The following TRPM3 variants were observed in gnomAD, a reference collection of about 807,000 sequenced individuals.
TRPM3 encodes the protein transient receptor potential cation channel subfamily M member 3.
A neutral mutation model predicts 181.2 loss-of-function variants in TRPM3; 77 were observed. The ratio of observed to expected loss-of-function variants is 0.42; its 90% confidence interval spans 0.35 to 0.51. The LOEUF (loss-of-function observed/expected upper bound fraction) is 0.51. Ranked by LOEUF, TRPM3 falls within the 20% of genes least tolerant of loss-of-function variation. The pLI is 0.01. For missense variants in TRPM3, 1,759 were observed against 2,196.7 expected, an observed-to-expected ratio of 0.80 and a Z score of 3.98; for synonymous variants, 745 against 796.4, an observed-to-expected ratio of 0.94 and a Z score of 1.09.
intron 1 of TRPM3, among the ~76,000 whole-genome samples, chr9:70,927,093 G>A (rs767074511): frequency 6.6e-6 from 1 of 152,140 alleles, no homozygotes; most frequent in Non-Finnish European, 1.5e-5. Context: ...ATTTATCAAG[G>A]TTTTATACTA....
At chr9:70,838,311 G>A (rs529310864) in intron 5 of TRPM3, among the ~76,000 whole-genome samples, 7 of 152,290 alleles carry the variant, frequency 4.6e-5, no homozygotes, top group African/African-American at 1.4e-4. Context: ...AGGCGATAAT[G>A]AGGAGAGGGG....
intron 8 of TRPM3, among the ~76,000 whole-genome samples, chr9:70,739,069 A>G (rs140394627): frequency 1.3e-5 from 2 of 152,310 alleles, no homozygotes; most frequent in African/African-American, 4.8e-5. Context: ...AAGAATGGGT[A>G]CCAATCCTAT....
At chr9:70,600,724 T>C (rs2059755629) in intron 20 of TRPM3, among the ~76,000 whole-genome samples, 1 of 152,206 alleles carries the variant, frequency 6.6e-6, no homozygotes, top group African/African-American at 2.4e-5. Context: ...GGTGTTGTCC[T>C]GATGGCTTCT....
At chr9:71,032,167 T>C (rs1360010339) in intron 1 of TRPM3, among the ~76,000 whole-genome samples, 1 of 106,522 alleles carries the variant, frequency 9.4e-6, no homozygotes, top group Non-Finnish European at 1.9e-5. Context: ...TTATATAATA[T>C]ATTATATATA....
chr9:71,204,160 T>C (rs994258846), intron 1 of TRPM3, among the ~76,000 whole-genome samples: 2 of 151,080 alleles, frequency 1.3e-5, no homozygotes, highest in African/African-American at 2.4e-5. Flanking sequence ...GGGCAAGGAC[T>C]TCATGTCTAA....
chr9:70,869,098 C>T, intron 1 of TRPM3: 1 of 975,996 alleles, frequency 1.0e-6, no homozygotes, highest in South Asian at 4.7e-5. Context: ...TATGACCGCC[C>T]ACTGGAAAAA....
intron 1 of TRPM3, among the ~76,000 whole-genome samples, chr9:70,994,783 G>A (rs1327227060): frequency 6.6e-6 from 1 of 152,132 alleles, no homozygotes; most frequent in Non-Finnish European, 1.5e-5. Flanking sequence ...TGCTGACTCT[G>A]CTTTTGTTGT....
chr9:70,920,247 T>C (rs563973841), intron 1 of TRPM3, among the ~76,000 whole-genome samples: 8 of 152,220 alleles, frequency 5.3e-5, no homozygotes, highest in Non-Finnish European at 1.0e-4. Context: ...TAGAAGCTTC[T>C]TGAAGGCAAC....
intron 8 of TRPM3, among the ~76,000 whole-genome samples, chr9:70,741,611 T>G (rs982314146): frequency 6.6e-6 from 1 of 152,128 alleles, no homozygotes; most frequent in African/African-American, 2.4e-5. Context: ...AATCGTGGTA[T>G]ATGTATATAT....
intron 1 of TRPM3, among the ~76,000 whole-genome samples, chr9:70,959,004 T>C (rs1402693725): frequency 1.4e-5 from 1 of 73,886 alleles, no homozygotes; most frequent in Admixed American, 1.4e-4. Context: ...GGGACTGTTG[T>C]GGGGTCGGAG....
intron 1 of TRPM3, among the ~76,000 whole-genome samples, chr9:71,319,639 C>G (rs1020561611): frequency 2.0e-5 from 3 of 152,144 alleles, no homozygotes; most frequent in African/African-American, 7.2e-5. Context: ...ACCCGCTTAC[C>G]TGGACATCCC....
At chr9:70,584,770 C>T (rs2056755115) in intron 22 of TRPM3, among the ~76,000 whole-genome samples, 1 of 152,200 alleles carries the variant, frequency 6.6e-6, no homozygotes, top group Non-Finnish European at 1.5e-5. Context: ...TTCCCTTCAT[C>T]TTACACCTCA....
intron 1 of TRPM3, chr9:70,865,437 C>T (rs1415602643): frequency 1.3e-5 from 2 of 152,098 alleles, no homozygotes; most frequent in East Asian, 3.9e-4. Context: ...GCTAGAGCAA[C>T]ATTTAATGTT....
chr9:70,741,218 C>A (rs1312693093), intron 8 of TRPM3, among the ~76,000 whole-genome samples: 2 of 152,122 alleles, frequency 1.3e-5, no homozygotes, highest in African/African-American at 4.8e-5. Context: ...AAATGCTCAG[C>A]ATCACTAATT....
At chr9:70,684,072 TCTG>T (rs956837548) in intron 8 of TRPM3, among the ~76,000 whole-genome samples, 12 of 152,242 alleles carry the variant, frequency 7.9e-5, no homozygotes, top group Admixed American at 6.5e-5. Flanking sequence ...TCTGACTTGT[TCTG>T]CTGATGACTA....
intron 1 of TRPM3, among the ~76,000 whole-genome samples, chr9:71,150,557 T>C (rs2075678757): frequency 6.6e-6 from 1 of 152,134 alleles, no homozygotes; most frequent in Non-Finnish European, 1.5e-5. Flanking sequence ...CCTCCAATAC[T>C]ATCGAAACAG....
intron 22 of TRPM3, among the ~76,000 whole-genome samples, chr9:70,557,556 C>A (rs1163066216): frequency 6.6e-6 from 1 of 152,124 alleles, no homozygotes; most frequent in Non-Finnish European, 1.5e-5. Context: ...TGCCTTAAAA[C>A]CCTGATAAGC....
chr9:70,800,236 T>A (rs1397942729), intron 6 of TRPM3, among the ~76,000 whole-genome samples: 1 of 152,240 alleles, frequency 6.6e-6, no homozygotes, highest in African/African-American at 2.4e-5. Context: ...AAGTTGCTTG[T>A]GAATTTCTGG....
intron 1 of TRPM3, among the ~76,000 whole-genome samples, chr9:71,045,998 T>TC (rs1452546904): frequency 6.6e-6 from 1 of 151,904 alleles, no homozygotes; most frequent in Non-Finnish European, 1.5e-5. Context: ...ACTTTTTTTT[T>TC]TTTTGAGATG....
Sources: gnomAD v4.1 joint callset for allele counts (sites outside exome capture counted in the v4.1 genomes callset) on GRCh38, gnomAD v4.1.1 for gene constraint, MANE v1.5 for transcripts, NCBI Gene and HGNC (gene_info 2026-07-23, HGNC 2026-07-21) for gene names.